The following TMEM130 variants were observed in gnomAD, a reference collection of about 807,000 sequenced individuals.
TMEM130 encodes the protein transmembrane protein 130.
In TMEM130, 37 loss-of-function variants were observed where a neutral mutation model predicts 42.9. The ratio of observed to expected loss-of-function variants is 0.86; its 90% CI spans 0.66 to 1.13. The LOEUF is 1.13. Among genes scored for constraint, TMEM130 ranks in the 50% most tolerant of loss-of-function variants. TMEM130 has a pLI of 0.00. For synonymous variants in TMEM130, 259 were observed against 237.7 expected, an observed-to-expected ratio of 1.09 and a Z score of -0.82; for missense variants, 545 against 562.6, an observed-to-expected ratio of 0.97 and a Z score of 0.32.
intron 2 of TMEM130, among the ~76,000 whole-genome samples, chr7:98,860,942 C>CAAAAA (rs3066865): frequency 2.9e-5 from 2 of 69,508 alleles, no homozygotes; most frequent in African/African-American, 5.6e-5. Flanking sequence ...GACTCTGTCT[C>CAAAAA]AAAAAAAAAA....
At chr7:98,861,539 A>G (rs1794770921) in intron 2 of TMEM130, among the ~76,000 whole-genome samples, 1 of 151,546 alleles carries the variant, frequency 6.6e-6, no homozygotes, top group African/African-American at 2.4e-5. Context: ...ACATAGCGAA[A>G]CCCTGTCTCT....
chr7:98,848,564 C>T lies in TMEM130; in HGVS notation c.1119+19G>A, dbSNP rs782769402. The T allele has an allele frequency of 1.9e-6, 3 of 1,538,746 alleles. No homozygotes were observed. Among genetic ancestry groups the T allele is most frequent in the East Asian group, 2.2e-5 (1 of 44,546 alleles). On this transcript the variant is annotated intron_variant, in intron 7 of 7. Coordinates refer to ENST00000339375, the MANE Select transcript of TMEM130 (RefSeq NM_152913.3). Reference sequence around the variant, plus strand: ...AGGCAAGGCCCAGTAGTCCAGCCCCCACCCCACTGAGTACCCACCTCCACC... The same window carrying T: ...AGGCAAGGCCCAGTAGTCCAGCCCCTACCCCACTGAGTACCCACCTCCACC...
intron 1 of TMEM130, among the ~76,000 whole-genome samples, chr7:98,863,835 C>A (rs1554400246): frequency 3.5e-5 from 5 of 144,702 alleles, no homozygotes; most frequent in South Asian, 4.3e-4. Flanking sequence ...CCCTTCCTTC[C>A]TTCCTTTTCT....
chr7:98,858,593 G>A (rs150453540), intron 3 of TMEM130, among the ~76,000 whole-genome samples: 4 of 152,198 alleles, frequency 2.6e-5, no homozygotes, highest in Non-Finnish European at 5.9e-5. Flanking sequence ...GTTCACACCT[G>A]TAATCCCAAT....
chr7:98,859,730 A>T (rs78685733), intron 3 of TMEM130, among the ~76,000 whole-genome samples: 1,717 of 114,424 alleles, frequency 0.015, 12 homozygotes, highest in African/African-American at 0.019. Context: ...ATAAATAAAT[A>T]AATTAATTAA....
chr7:98,851,944 T>G (rs1360713099), intron 5 of TMEM130, among the ~76,000 whole-genome samples: 1 of 151,944 alleles, frequency 6.6e-6, no homozygotes, highest in Non-Finnish European at 1.5e-5. Context: ...CACATCCCCC[T>G]TTTTGTGTTT....
At chr7:98,864,494 G>A (rs1227016364) in intron 1 of TMEM130, among the ~76,000 whole-genome samples, 1 of 148,168 alleles carries the variant, frequency 6.7e-6, no homozygotes, top group Non-Finnish European at 1.5e-5. Context: ...TGGGATTACA[G>A]GCATGAGCCA....
intron 5 of TMEM130, among the ~76,000 whole-genome samples, chr7:98,853,592 C>T (rs1794559881): frequency 6.6e-6 from 1 of 152,228 alleles, no homozygotes; most frequent in Non-Finnish European, 1.5e-5. Context: ...TGCACCACTG[C>T]ACTCAAGCCT....
At chr7:98,864,895 C>T (rs782438474) in intron 1 of TMEM130, among the ~76,000 whole-genome samples, 27 of 152,036 alleles carry the variant, frequency 1.8e-4, no homozygotes, top group African/African-American at 5.8e-4. Context: ...AGTGAGACTC[C>T]GTCTCAAAAA....
intron 3 of TMEM130, among the ~76,000 whole-genome samples, chr7:98,857,926 C>A (rs1698555158): frequency 6.6e-6 from 1 of 151,578 alleles, no homozygotes. Flanking sequence ...ATTTTTAGTA[C>A]AGACGGGGTT....
At chr7:98,851,274 G>A (rs1264958424) in intron 6 of TMEM130, 147 bp downstream of exon 6, 1 of 753,110 alleles carries the variant, frequency 1.3e-6, no homozygotes, top group Non-Finnish European at 2.2e-6. Flanking sequence ...GGAGTCAGTG[G>A]GGTTATGGAT....
In TMEM130 at chr7:98,847,504, C is replaced by G. The variant is rs1290071567; in HGVS notation, c.*552G>C. 1 of 150,798 alleles carries G rather than the reference C, an allele frequency of 6.6e-6. No homozygotes were observed. The highest frequency in any genetic ancestry group is 2.4e-5 in the African/African-American group (1 of 40,996). The allele number at this position is 150,798 out of a possible 1,614,324, so 9.3% of individuals were successfully genotyped here. The stretch of plus-strand genomic sequence containing the variant: ...CCATGTGACGCATGTGTTTATATTT[C>G]TGTGTGTGTGTGTGTGTGTGTGTGT... On this transcript the variant is annotated 3_prime_UTR_variant, in exon 8 of 8. Coordinates refer to ENST00000339375, the MANE Select transcript of TMEM130 (RefSeq NM_152913.3).
At chr7:98,855,434 C>T in intron 4 of TMEM130, 110 bp from the exon 5 acceptor site, 2 of 985,072 alleles carry the variant, frequency 2.0e-6, no homozygotes. Context: ...CGTCCCTCTC[C>T]TAAGAGCAGG....
At chr7:98,855,604 C>T (rs76258393) in intron 4 of TMEM130, among the ~76,000 whole-genome samples, 3,694 of 152,320 alleles carry the variant, frequency 0.024, 160 homozygotes, top group African/African-American at 0.083. Context: ...AGCACCATCC[C>T]GTCAGCAAGA....
chr7:98,854,439 C>T (rs1794581829), intron 5 of TMEM130, among the ~76,000 whole-genome samples: 1 of 152,166 alleles, frequency 6.6e-6, no homozygotes, highest in Non-Finnish European at 1.5e-5. Context: ...TCCCTGGGAC[C>T]TCAAGAATTG....
In TMEM130 at chr7:98,869,121, TG is replaced by T; in HGVS notation, c.85+655del. 1 of 1,203,736 alleles carries T rather than the reference TG, an allele frequency of 8.3e-7. No homozygotes were observed. 74.6% of individuals were successfully genotyped at this position (1,203,736 alleles called of 1,614,324 possible). On this transcript the variant is annotated intron_variant, in intron 1 of 7. Coordinates refer to ENST00000339375, the MANE Select transcript of TMEM130 (RefSeq NM_152913.3). This position sits in a 1 kb window ranked among gnomAD's most constrained non-coding sequence, Gnocchi z 4.7. ...TGGTTCCCAAAATGTGGCAGAGAGG[TG>T]GGTGCTGGCTTTCTGGCGGTGGGGA...
intron 5 of TMEM130, among the ~76,000 whole-genome samples, chr7:98,853,338 C>T (rs1794553746): frequency 6.6e-6 from 1 of 152,104 alleles, no homozygotes; most frequent in Non-Finnish European, 1.5e-5. Flanking sequence ...AAGAGTCCTT[C>T]AAGGGCGGGT....
intron 5 of TMEM130, among the ~76,000 whole-genome samples, chr7:98,854,606 G>A (rs1272793965): frequency 1.3e-5 from 2 of 152,146 alleles, no homozygotes; most frequent in African/African-American, 4.8e-5. Flanking sequence ...GCATGGTGGT[G>A]CCCACCTGTA....
intron 5 of TMEM130, among the ~76,000 whole-genome samples, chr7:98,854,666 G>A (rs1794587430): frequency 6.6e-6 from 1 of 152,184 alleles, no homozygotes; most frequent in African/African-American, 2.4e-5. Flanking sequence ...AAGCCCAGGA[G>A]GTCAAGGCTA....
Sources: gnomAD v4.1 joint callset for allele counts (sites outside exome capture counted in the v4.1 genomes callset) on GRCh38, gnomAD v4.1.1 for gene constraint, Gnocchi (gnomAD v3.1) non-coding constraint, MANE v1.5 for transcripts, NCBI Gene and HGNC (gene_info 2026-07-23, HGNC 2026-07-21) for gene names.